Variants in FBXL7 observed in about 807,000 individuals in gnomAD.
FBXL7 encodes the protein F-box and leucine rich repeat protein 7.
FBXL7 carries 12 observed loss-of-function variants against 38.3 expected under a neutral mutation model. The observed-to-expected ratio is 0.31, with a 90% CI of 0.20 to 0.51. FBXL7 has a LOEUF of 0.51. Ranked by LOEUF, FBXL7 falls within the 20% of genes least tolerant of loss-of-function variation. The probability of loss-of-function intolerance (pLI) is 0.98; values close to 1 mark genes in which losing one functional copy is unlikely to be tolerated. For missense variants in FBXL7, 567 were observed against 676.4 expected (o/e 0.84, Z 1.79); for synonymous variants, 297 against 300.9 (o/e 0.99, Z 0.13).
chr5:15,929,736 C>T (rs527474169), intron 3 of FBXL7, among the ~76,000 whole-genome samples: 2 of 152,248 alleles, frequency 1.3e-5, no homozygotes, highest in African/African-American at 4.8e-5. Context: ...ACTTAGGCGC[C>T]AGACATGATC....
At chr5:15,709,716 A>T (rs950670325) in intron 2 of FBXL7, among the ~76,000 whole-genome samples, 1 of 152,108 alleles carries the variant, frequency 6.6e-6, no homozygotes, top group Admixed American at 6.5e-5. Context: ...AATACCTGAG[A>T]CTAGGTAATT....
chr5:15,823,940 G>A (rs1293652009), intron 2 of FBXL7, among the ~76,000 whole-genome samples: 2 of 152,088 alleles, frequency 1.3e-5, no homozygotes, highest in Non-Finnish European at 2.9e-5. Context: ...ATTCAAGAAC[G>A]AGAATCCTAG....
intron 2 of FBXL7, among the ~76,000 whole-genome samples, chr5:15,728,382 A>C (rs540087079): frequency 6.6e-6 from 1 of 152,292 alleles, no homozygotes; most frequent in South Asian, 2.1e-4. Context: ...ATTGAGAGGC[A>C]TAGGGATAAT....
At position 15,626,145 on chromosome 5, in the gene FBXL7, CTT is replaced by C. The variant is rs765904163; in HGVS notation, c.127+10075_127+10076del. On this transcript the variant is annotated intron_variant, in intron 2 of 3. Transcript: ENST00000504595. ...GATCATTTAGGAAAGCTTTGCAAGA[CTT>C]TAGCCTTTGAAGCTTAATGTGTTTT... Among the ~76,000 whole-genome samples the C allele has an allele frequency of 5.2e-4, 79 of 152,170 alleles. 1 individual carries two copies. The highest frequency in any genetic ancestry group is 5.7e-4 in the Non-Finnish European group (39 of 68,028).
chr5:15,713,582 G>A (rs1353578056), intron 2 of FBXL7, among the ~76,000 whole-genome samples: 2 of 152,116 alleles, frequency 1.3e-5, no homozygotes, highest in African/African-American at 4.8e-5. Flanking sequence ...GGTTTATATT[G>A]GTGAAGGTCT....
intron 2 of FBXL7, among the ~76,000 whole-genome samples, chr5:15,720,972 C>CATAGTACA (rs1290400108): frequency 6.6e-6 from 1 of 151,936 alleles, no homozygotes. Flanking sequence ...AGTTTATATT[C>CATAGTACA]ATAGTACAAC....
At chr5:15,557,841 A>C (rs1361796709) in intron 1 of FBXL7, among the ~76,000 whole-genome samples, 1 of 152,170 alleles carries the variant, frequency 6.6e-6, no homozygotes, top group Admixed American at 6.5e-5. Flanking sequence ...CTCTCTGACC[A>C]CCTGGTGAAA....
chr5:15,684,919 C>G (rs973400248), intron 2 of FBXL7, among the ~76,000 whole-genome samples: 2 of 152,164 alleles, frequency 1.3e-5, no homozygotes, highest in African/African-American at 4.8e-5. Flanking sequence ...GTCAAATAAT[C>G]ATGTGCTAGT....
chr5:15,930,708 CAT>C (rs1742016488), intron 3 of FBXL7, among the ~76,000 whole-genome samples: 1 of 152,094 alleles, frequency 6.6e-6, no homozygotes, highest in Non-Finnish European at 1.5e-5. Context: ...GATCTGTATA[CAT>C]AGAGATAAAA....
At chr5:15,703,559 ATAAAAT>A (rs879681905) in intron 2 of FBXL7, among the ~76,000 whole-genome samples, 4 of 152,232 alleles carry the variant, frequency 2.6e-5, no homozygotes, top group African/African-American at 4.8e-5. Context: ...GGATCTGAAA[ATAAAAT>A]TAATTTAGCA....
intron 2 of FBXL7, among the ~76,000 whole-genome samples, chr5:15,776,185 G>T (rs925333836): frequency 1.1e-4 from 16 of 152,024 alleles, no homozygotes; most frequent in African/African-American, 3.4e-4. Flanking sequence ...GGTAGATGCC[G>T]GCCAACATTC....
At chr5:15,710,242 G>A (rs1043033315) in intron 2 of FBXL7, among the ~76,000 whole-genome samples, 21 of 152,160 alleles carry the variant, frequency 1.4e-4, no homozygotes, top group Middle Eastern at 3.4e-3. Flanking sequence ...GCTGAGCCAC[G>A]CACACCCTCG....
chr5:15,936,674 T>C lies in FBXL7; in HGVS notation c.964T>C (p.Tyr322His), dbSNP rs181058257. 320 of 1,608,432 alleles carry C rather than the reference T, an allele frequency of 2.0e-4. 1 individual carries two copies. The Middle Eastern group carries it at 3.1e-3, about 16-fold the overall frequency. Residue 322 changes from tyrosine (Y) to histidine (H), a missense_variant, in exon 4 of 4, where the codon TAC (tyrosine) becomes CAC (histidine). Physicochemically the swap from Tyr to His is moderately conservative, Grantham distance 83. Transcript: ENST00000504595. This position sits in a 1 kb window ranked among gnomAD's most constrained non-coding sequence, Gnocchi z 6.0. ...CGAAGGCCTGCGCTACCTGGTGATC[T>C]ACTGCGCCTCCATCAAGGAGCTGAG... ...TDEGLRYLVI[Y>H]CASIKELSVS...
chr5:15,635,404 T>C (rs1580423871), intron 2 of FBXL7, among the ~76,000 whole-genome samples: 1 of 152,116 alleles, frequency 6.6e-6, no homozygotes, highest in Non-Finnish European at 1.5e-5. Flanking sequence ...AAGCTGCTGG[T>C]TTCTTCAAGC....
intron 1 of FBXL7, among the ~76,000 whole-genome samples, chr5:15,596,951 T>C (rs1478518156): frequency 6.6e-6 from 1 of 152,162 alleles, no homozygotes; most frequent in Non-Finnish European, 1.5e-5. Context: ...AAGTAAGTGT[T>C]TGCCTAAGTT....
chr5:15,506,949 C>CAGCTATTA (rs1317532309), intron 1 of FBXL7, among the ~76,000 whole-genome samples: 2 of 150,198 alleles, frequency 1.3e-5, no homozygotes, highest in Admixed American at 6.7e-5. Context: ...CTTCTGTAGT[C>CAGCTATTA]AGCTATTAAT....
chr5:15,565,153 T>C (rs1193867211), intron 1 of FBXL7, among the ~76,000 whole-genome samples: 1 of 152,154 alleles, frequency 6.6e-6, no homozygotes, highest in Non-Finnish European at 1.5e-5. Flanking sequence ...CCTGTCTTGC[T>C]GATACAATTT....
At chr5:15,536,277 G>T (rs887875640) in intron 1 of FBXL7, among the ~76,000 whole-genome samples, 9 of 152,234 alleles carry the variant, frequency 5.9e-5, no homozygotes, top group African/African-American at 2.2e-4. Context: ...AATCCCTCTG[G>T]GGTACTGTCT....
intron 2 of FBXL7, among the ~76,000 whole-genome samples, chr5:15,618,972 G>A (rs1051755688): frequency 2.6e-5 from 4 of 152,214 alleles, no homozygotes; most frequent in Non-Finnish European, 5.9e-5. Flanking sequence ...AGGAACTCAA[G>A]CAGGCACCTG....
Sources: allele counts gnomAD v4.1 joint callset (sites outside exome capture counted in the v4.1 genomes callset), GRCh38; gene constraint gnomAD v4.1.1; non-coding constraint Gnocchi (gnomAD v3.1); transcripts MANE v1.5; gene names NCBI Gene and HGNC (gene_info 2026-07-23, HGNC 2026-07-21).